Variants in ELAPOR1 observed in about 807,000 individuals in gnomAD.
The protein encoded by ELAPOR1 is endosome-lysosome associated apoptosis and autophagy regulator 1.
Under a neutral mutation model 119.7 loss-of-function variants are expected in ELAPOR1, and 77 were observed. The ratio of observed to expected loss-of-function variants is 0.64; its 90% confidence interval spans 0.54 to 0.78. ELAPOR1 has a LOEUF of 0.78. Ranked by LOEUF, ELAPOR1 falls within the 30% of genes least tolerant of loss-of-function variation. The pLI, the probability that ELAPOR1 is intolerant of heterozygous loss-of-function variation, is 0.00. For synonymous variants in ELAPOR1, 481 were observed against 487.2 expected, an observed-to-expected ratio of 0.99 and a Z score of 0.17; for missense variants, 1,115 against 1,270.4, an observed-to-expected ratio of 0.88 and a Z score of 1.86.
In ELAPOR1 at chr1:109,199,981, G is replaced by A. The variant is rs756090738; in HGVS notation, c.2628+1G>A. 1.2e-6 allele frequency: 2 copies of A among 1,614,156 alleles called. No individual in the cohort carries two copies. Among genetic ancestry groups the A allele is most frequent in the South Asian group, 2.2e-5 (2 of 91,088 alleles). ...CAGCAGCTGTGTGGCTGGGATCCAG[G>A]TGGGTTTCCCTCTGATCGGGCACTT... On this transcript the variant is annotated splice_donor_variant, in intron 19 of 21. Coordinates refer to ENST00000369939, the MANE Select transcript of ELAPOR1 (RefSeq NM_020775.5). LOFTEE classifies it high-confidence loss of function.
At chr1:109,182,337 AATAAT>A (rs1570700009) in intron 7 of ELAPOR1, among the ~76,000 whole-genome samples, 1 of 5,000 alleles carries the variant, frequency 2.0e-4, no homozygotes, top group East Asian at 0.036. Context: ...CTCAAAAAAT[AATAAT>A]AATAATAATA....
intron 4 of ELAPOR1, 53 bp from the exon 5 acceptor site, chr1:109,172,435 T>G: frequency 7.6e-7 from 1 of 1,320,100 alleles, no homozygotes; most frequent in Non-Finnish European, 1.1e-6. Flanking sequence ...TGGGGAAAGG[T>G]ATCCATTTCC....
chr1:109,178,866 G>A lies in ELAPOR1; in HGVS notation c.952+5029G>A, dbSNP rs370903656. Among the ~76,000 whole-genome samples, 26 of 152,166 alleles carry A rather than the reference G, an allele frequency of 1.7e-4. No individual in the cohort carries two copies. The South Asian group carries it at 5.4e-3, about 32-fold the overall frequency. On this transcript the variant is annotated intron_variant, in intron 7 of 21. Transcript: ENST00000369939. ...TGTAATCCCAGCTACTTGGGAGGCT[G>A]AGGCAGAAGAATCACTTGAACCTGG...
At chr1:109,168,069 C>A (rs1311160905) in intron 3 of ELAPOR1, among the ~76,000 whole-genome samples, 1 of 152,126 alleles carries the variant, frequency 6.6e-6, no homozygotes, top group Non-Finnish European at 1.5e-5. Flanking sequence ...CTCCCAAGTT[C>A]CTTCTGTCTT....
chr1:109,149,634 G>A (rs1204503746), intron 1 of ELAPOR1, among the ~76,000 whole-genome samples: 2 of 152,176 alleles, frequency 1.3e-5, no homozygotes, highest in Admixed American at 1.3e-4. Flanking sequence ...GTCAGGTGCT[G>A]TTCTGGGTGT....
In ELAPOR1 at chr1:109,145,818, G is replaced by A. The variant is rs145210206; in HGVS notation, c.154-16076G>A. On this transcript the variant is annotated intron_variant, in intron 1 of 21. Transcript: ENST00000369939. ...CTGCAGTTGCTGGGACTACAGACATGTGCCACCATGCCTGGCTAATTTTTG... is the reference window on the plus strand; with the variant it reads ...CTGCAGTTGCTGGGACTACAGACATATGCCACCATGCCTGGCTAATTTTTG... 1.5e-3 allele frequency among the ~76,000 whole-genome samples: 227 copies of A among 152,288 alleles called. 5 individuals are homozygous for A. In the South Asian group the frequency reaches 0.028, roughly 19 times the overall value.
intron 1 of ELAPOR1, among the ~76,000 whole-genome samples, chr1:109,138,570 C>CCAGCAGCAGCAGCAGCAGCAGCAG (rs71069652): frequency 4.6e-4 from 69 of 151,192 alleles, no homozygotes; most frequent in African/African-American, 1.5e-3. Context: ...TCCCTCCCCA[C>CCAGCAGCAGCAGCAGCAGCAGCAG]CAGCAGCAGC....
At chr1:109,196,480 G>C (rs1297626100) in intron 15 of ELAPOR1, among the ~76,000 whole-genome samples, 11 of 152,162 alleles carry the variant, frequency 7.2e-5, no homozygotes, top group Admixed American at 5.2e-4. Context: ...GAGCAATGAA[G>C]GTGGGGAATT....
Position 109,191,407 on chromosome 1 carries a change from T to C in ELAPOR1, c.1481T>C (p.Val494Ala). ...ATGGCAGACACAGAGAATAAAGAGG[T>C]GGCCAGAATCACATTTGTCTTTGAG... ...SVMADTENKE[V>A]ARITFVFETL... is the part of the protein sequence containing the mutation. Residue 494 changes from valine to alanine, a missense_variant, in exon 12 of 22, where the codon GTG (valine) becomes GCG (alanine). Coordinates refer to ENST00000369939, the MANE Select transcript of ELAPOR1 (RefSeq NM_020775.5). The C allele has an allele frequency of 6.2e-7, 1 of 1,613,966 alleles. No individual in the cohort carries two copies. The highest frequency in any genetic ancestry group is 1.3e-5 in the African/African-American group (1 of 74,956).
rs1487236511 is a variant in ELAPOR1, at chr1:109,197,588, C to G, written c.2236C>G (p.Pro746Ala). The G allele has an allele frequency of 2.5e-6, 4 of 1,614,218 alleles. No individual in the cohort carries two copies. The highest frequency in any genetic ancestry group is 3.4e-6 in the Non-Finnish European group (4 of 1,180,030). The part of the protein sequence containing the change: ...AYVCQAVIIP[P>A]EVTGYKAGVS... ...CGTCTGCCAGGCAGTCATCATCCCC[C>G]CAGAGGTGACAGGCTACAAGGCCGG... Residue 746 changes from proline (P) to alanine (A), a missense_variant, in exon 16 of 22, where the codon CCA becomes GCA. Pro to Ala is a conservative substitution (Grantham distance 27). Coordinates refer to ENST00000369939, the MANE Select transcript of ELAPOR1 (RefSeq NM_020775.5).
intron 1 of ELAPOR1, among the ~76,000 whole-genome samples, chr1:109,157,682 G>A (rs993868810): frequency 1.3e-5 from 2 of 152,150 alleles, no homozygotes; most frequent in Admixed American, 1.3e-4. Context: ...GGAAGGGGCG[G>A]TGGGATCACT....
Position 109,204,271 on chromosome 1 carries a change from A to G in ELAPOR1, c.*1259A>G, listed in dbSNP as rs1274194832. On this transcript the variant is annotated 3_prime_UTR_variant, in exon 22 of 22. Transcript: ENST00000369939. ...TAGCTCATTGCCTTCTCTTAAGTAAATGATAGATATTCTCACTGAAGCCAA... is the reference window on the plus strand; with the variant it reads ...TAGCTCATTGCCTTCTCTTAAGTAAGTGATAGATATTCTCACTGAAGCCAA... 2.0e-5 allele frequency: 3 copies of G among 152,344 alleles called. No homozygotes were observed. Among genetic ancestry groups the G allele is most frequent in the Admixed American group, 6.5e-5 (1 of 15,300 alleles). 9.4% of individuals were successfully genotyped at this position (152,344 alleles called of 1,614,324 possible).
chr1:109,143,220 A>C (rs1255057550), intron 1 of ELAPOR1, among the ~76,000 whole-genome samples: 9 of 152,154 alleles, frequency 5.9e-5, no homozygotes, highest in Non-Finnish European at 1.3e-4. Context: ...AAAATGCTAG[A>C]ATTATAGGCA....
At chr1:109,121,773 C>CT (rs10714498) in intron 1 of ELAPOR1, among the ~76,000 whole-genome samples, 3,298 of 134,232 alleles carry the variant, frequency 0.025, 53 homozygotes, top group Middle Eastern at 0.065. Flanking sequence ...CTGTGTATTA[C>CT]TTTTTTTTTT....
intron 1 of ELAPOR1, among the ~76,000 whole-genome samples, chr1:109,157,662 G>A (rs1333968555): frequency 6.6e-6 from 1 of 152,144 alleles, no homozygotes; most frequent in Admixed American, 6.6e-5. Flanking sequence ...GGGAAGTCAA[G>A]CACCATGTGG....
intron 7 of ELAPOR1, among the ~76,000 whole-genome samples, chr1:109,175,684 C>A (rs77407926): frequency 0.46 from 69,585 of 149,648 alleles, 17,177 homozygotes; most frequent in African/African-American, 0.64. Context: ...AAAATTAGCC[C>A]GGCGTGGGGG....
At chr1:109,158,264 G>A (rs1027650712) in intron 1 of ELAPOR1, among the ~76,000 whole-genome samples, 3 of 151,356 alleles carry the variant, frequency 2.0e-5, no homozygotes, top group Non-Finnish European at 4.4e-5. Flanking sequence ...AAGGTAGAAG[G>A]AAGGACAGAT....
intron 1 of ELAPOR1, among the ~76,000 whole-genome samples, chr1:109,126,295 TG>T (rs1372932738): frequency 6.6e-6 from 1 of 152,142 alleles, no homozygotes; most frequent in East Asian, 1.9e-4. Flanking sequence ...AAGGCCAGTG[TG>T]GCTGAACCAC....
intron 8 of ELAPOR1, chr1:109,187,666 A>G: frequency 1.0e-6 from 1 of 987,154 alleles, no homozygotes; most frequent in Non-Finnish European, 1.2e-6. Flanking sequence ...TCTCTGAGAC[A>G]CCAGGTCTGG....
Sources: allele counts gnomAD v4.1 joint callset (sites outside exome capture counted in the v4.1 genomes callset), GRCh38; gene constraint gnomAD v4.1.1; transcripts MANE v1.5; gene names NCBI Gene and HGNC (gene_info 2026-07-23, HGNC 2026-07-21).